The following DPP10 variants were observed in gnomAD, a reference collection of about 807,000 sequenced individuals.
The protein encoded by DPP10 is dipeptidyl peptidase like 10.
A neutral mutation model predicts 120.9 loss-of-function variants in DPP10; 33 were observed. The observed-to-expected ratio is 0.27, with a 90% confidence interval of 0.21 to 0.37. The LOEUF is 0.37. Ranked by LOEUF, DPP10 falls within the 10% of genes least tolerant of loss-of-function variation. The pLI, the probability that DPP10 is intolerant of heterozygous loss-of-function variation, is 1.00. For missense variants in DPP10, 816 were observed against 942.8 expected (o/e 0.87, Z 1.76); for synonymous variants, 337 against 326.1 (o/e 1.03, Z -0.36).
At chr2:115,572,612 A>C (rs959686824) in intron 5 of DPP10, among the ~76,000 whole-genome samples, 1 of 152,184 alleles carries the variant, frequency 6.6e-6, no homozygotes, top group Non-Finnish European at 1.5e-5. Context: ...TAAAATGTAC[A>C]TAGGACAGAA....
At chr2:114,973,342 A>C (rs6745631) in intron 1 of DPP10, among the ~76,000 whole-genome samples, 39,884 of 151,172 alleles carry the variant, frequency 0.26, 5,441 homozygotes, top group Admixed American at 0.31. Flanking sequence ...TGGCTATTTT[A>C]GTGTGTACTC....
intron 1 of DPP10, among the ~76,000 whole-genome samples, chr2:114,787,040 A>G (rs1442747360): frequency 6.6e-6 from 1 of 152,184 alleles, no homozygotes; most frequent in Non-Finnish European, 1.5e-5. Flanking sequence ...GAACCACAGG[A>G]GACAGACAAA....
chr2:115,054,127 G>A (rs565415013), intron 1 of DPP10, among the ~76,000 whole-genome samples: 4 of 152,106 alleles, frequency 2.6e-5, no homozygotes, highest in Admixed American at 6.5e-5. Flanking sequence ...TGATAAATAT[G>A]ATATTATACT....
intron 1 of DPP10, among the ~76,000 whole-genome samples, chr2:114,815,303 C>T (rs1463631251): frequency 6.6e-6 from 1 of 152,132 alleles, no homozygotes; most frequent in African/African-American, 2.4e-5. Flanking sequence ...AAACCATCAC[C>T]TCAACATCTG....
rs60833358 is a variant in DPP10 at position 114,559,891 on chromosome 2, CAAAAAAAAAAA to C, written c.60+117064_60+117074del. On this transcript the variant is annotated intron_variant, in intron 1 of 25. Transcript: ENST00000410059. ...TCATAGACTGCAAGAAGAAAAAAAG[CAAAAAAAAAAA>C]AAAAAAAAAACAAAGGAAGGAAAGA... 1.8e-4 allele frequency among the ~76,000 whole-genome samples: 12 copies of C among 65,946 alleles called. No homozygotes were observed. The South Asian group carries it at 8.3e-3, about 46-fold the overall frequency. 43.3% of individuals were successfully genotyped at this position (65,946 alleles called of 152,430 possible).
At chr2:114,729,159 A>G (rs572404298) in intron 1 of DPP10, among the ~76,000 whole-genome samples, 11 of 152,362 alleles carry the variant, frequency 7.2e-5, no homozygotes, top group African/African-American at 2.4e-4. Context: ...TTCATGAAGA[A>G]AAGAATGTTA....
At chr2:115,460,452 T>C (rs1041573264) in intron 3 of DPP10, among the ~76,000 whole-genome samples, 1 of 152,198 alleles carries the variant, frequency 6.6e-6, no homozygotes, top group African/African-American at 2.4e-5. Context: ...AAAACACTTA[T>C]TTAGATCTAG....
intron 1 of DPP10, among the ~76,000 whole-genome samples, chr2:114,465,795 A>G (rs1679314328): frequency 1.3e-5 from 2 of 152,390 alleles, no homozygotes; most frequent in Middle Eastern, 6.8e-3. Context: ...ATCAAATCAG[A>G]GTAATTAGCG....
chr2:114,863,202 C>T (rs1221730624), intron 1 of DPP10, among the ~76,000 whole-genome samples: 1 of 152,172 alleles, frequency 6.6e-6, no homozygotes, highest in Non-Finnish European at 1.5e-5. Flanking sequence ...TGGCTAATAA[C>T]TCTCAAGATA....
At chr2:115,041,701 C>T (rs1559026402) in intron 1 of DPP10, among the ~76,000 whole-genome samples, 1 of 152,178 alleles carries the variant, frequency 6.6e-6, no homozygotes, top group Non-Finnish European at 1.5e-5. Context: ...CTAGGTCACA[C>T]CCTTGCTGCC....
chr2:114,656,567 A>G (rs1696982645), intron 1 of DPP10, among the ~76,000 whole-genome samples: 1 of 152,178 alleles, frequency 6.6e-6, no homozygotes, highest in Non-Finnish European at 1.5e-5. Flanking sequence ...ACCTTGCCTC[A>G]AATTATAATT....
At chr2:115,620,145 G>T (rs1453986885) in intron 5 of DPP10, among the ~76,000 whole-genome samples, 1 of 152,120 alleles carries the variant, frequency 6.6e-6, no homozygotes. Flanking sequence ...CTTTCTCCCC[G>T]AACAGAGCGC....
At chr2:115,682,977 A>G (rs1449694341) in intron 5 of DPP10, among the ~76,000 whole-genome samples, 1 of 151,888 alleles carries the variant, frequency 6.6e-6, no homozygotes, top group Non-Finnish European at 1.5e-5. Context: ...TTTATTATAC[A>G]TCTTGTGTGG....
chr2:115,467,218 A>G (rs528388224), intron 3 of DPP10, among the ~76,000 whole-genome samples: 1 of 152,248 alleles, frequency 6.6e-6, no homozygotes, highest in East Asian at 1.9e-4. Context: ...GCACACACAC[A>G]TGCACATGTG....
chr2:115,241,922 C>T (rs1308139432), intron 1 of DPP10, among the ~76,000 whole-genome samples: 1 of 152,090 alleles, frequency 6.6e-6, no homozygotes, highest in Non-Finnish European at 1.5e-5. Flanking sequence ...ATTGAGTATG[C>T]ATTGACTGCT....
intron 1 of DPP10, among the ~76,000 whole-genome samples, chr2:115,051,002 T>C (rs1311035289): frequency 6.6e-6 from 1 of 152,140 alleles, no homozygotes; most frequent in Non-Finnish European, 1.5e-5. Context: ...AAACAGAACA[T>C]GAAACTCTGG....
chr2:115,379,045 A>C (rs1220203840), intron 3 of DPP10, among the ~76,000 whole-genome samples: 1 of 152,166 alleles, frequency 6.6e-6, no homozygotes, highest in Admixed American at 6.5e-5. Context: ...CGGCTTTGGT[A>C]TCAGGATGAT....
At position 115,051,210 on chromosome 2, in the gene DPP10, G is replaced by T. The variant is rs115480623; in HGVS notation, c.61-258029G>T. ...CTTAGCAGACAAATCCTTTAAATCA[G>T]CTATTTTAAGTGTGTTCAATGAACT... On this transcript the variant is annotated intron_variant, in intron 1 of 25. Transcript: ENST00000410059. Among the ~76,000 whole-genome samples, 1,345 of 152,176 alleles carry T rather than the reference G, an allele frequency of 8.8e-3. 25 individuals carry two copies. The highest frequency in any genetic ancestry group is 0.031 in the African/African-American group (1,289 of 41,504).
chr2:115,122,564 G>A (rs2049878557), intron 1 of DPP10, among the ~76,000 whole-genome samples: 1 of 152,236 alleles, frequency 6.6e-6, no homozygotes, highest in Non-Finnish European at 1.5e-5. Context: ...TGTGTGTCCT[G>A]GCAATGAGCC....
Sources: allele counts gnomAD v4.1 joint callset (sites outside exome capture counted in the v4.1 genomes callset), GRCh38; gene constraint gnomAD v4.1.1; transcripts MANE v1.5; gene names NCBI Gene and HGNC (gene_info 2026-07-23, HGNC 2026-07-21).